The following TENM1 variants were observed in gnomAD, a reference collection of about 807,000 sequenced individuals.
TENM1 encodes teneurin-1.
A neutral mutation model predicts 174.8 loss-of-function variants in TENM1; 35 were observed. That is an observed-to-expected ratio of 0.20 (90% CI 0.15 to 0.27). The LOEUF (loss-of-function observed/expected upper bound fraction) is 0.27, where lower values mean the gene tolerates loss of function less well. Among genes scored for constraint, TENM1 ranks in the 10% least tolerant of loss-of-function variants. The probability of loss-of-function intolerance (pLI) is 1.00; values close to 1 mark genes in which losing one functional copy is unlikely to be tolerated. For synonymous variants in TENM1, 781 were observed against 798.7 expected (o/e 0.98, Z 0.37); for missense variants, 1,633 against 2,130.1 (o/e 0.77, Z 4.59).
intron 1 of TENM1, among the ~76,000 whole-genome samples, chrX:124,902,714 A>G (rs142480379): frequency 0.015 from 1,716 of 112,927 alleles, 18 homozygotes; most frequent in Middle Eastern, 0.032. Flanking sequence ...AAGTAAATTT[A>G]CTTAAACACA....
chrX:124,982,372 C>T, the TENM1 span, among the ~76,000 whole-genome samples: 2 of 109,874 alleles, frequency 1.8e-5, no homozygotes, highest in Admixed American at 9.8e-5. Flanking sequence ...AATATCTTTG[C>T]ACTTTTTACC....
intron 4 of TENM1, among the ~76,000 whole-genome samples, chrX:124,731,394 A>G (rs2053561900): frequency 8.9e-6 from 1 of 111,784 alleles, no homozygotes; most frequent in African/African-American, 3.3e-5. Context: ...GCAGTCATTA[A>G]AAGGCATTTG....
At chrX:124,792,191 A>AT (rs2055195682) in intron 3 of TENM1, among the ~76,000 whole-genome samples, 1 of 111,634 alleles carries the variant, frequency 9.0e-6, no homozygotes, top group African/African-American at 3.2e-5. Context: ...TCCTTGATAC[A>AT]TTTTTTATTT....
chrX:125,071,968 G>A, the TENM1 span, among the ~76,000 whole-genome samples: 5 of 110,927 alleles, frequency 4.5e-5, no homozygotes, highest in African/African-American at 9.8e-5. Context: ...AAGCAGTGTC[G>A]AAGGTCATCA....
chrX:125,067,459 C>T, the TENM1 span, among the ~76,000 whole-genome samples: 3 of 111,167 alleles, frequency 2.7e-5, no homozygotes, highest in African/African-American at 9.8e-5. Context: ...TTTGACAGAG[C>T]GAGGGAAATA....
chrX:124,551,190 T>C (rs1199557632), intron 14 of TENM1, among the ~76,000 whole-genome samples: 1 of 111,952 alleles, frequency 8.9e-6, no homozygotes, highest in East Asian at 2.8e-4. Flanking sequence ...CATGCTATAA[T>C]AAAGATGAGA....
At chrX:125,094,459 A>G in the TENM1 span, among the ~76,000 whole-genome samples, 1 of 112,381 alleles carries the variant, frequency 8.9e-6, no homozygotes, top group Non-Finnish European at 1.9e-5. Context: ...TGTCCTAAAC[A>G]TAAATTATCT....
At chrX:124,420,906 G>T (rs1255639320) in intron 24 of TENM1, 85 bp from the exon 28 acceptor site, 18 of 914,926 alleles carry the variant, frequency 2.0e-5, no homozygotes, top group South Asian at 7.4e-5. Context: ...TGTGCATCAA[G>T]AATCATTTTA....
the TENM1 span, among the ~76,000 whole-genome samples, chrX:125,118,202 G>C: frequency 1.8e-5 from 2 of 110,989 alleles, no homozygotes; most frequent in African/African-American, 6.5e-5. Context: ...AGCAGAATAA[G>C]ACATTGGAGA....
At chrX:125,198,718 T>G in the TENM1 span, among the ~76,000 whole-genome samples, 1 of 111,300 alleles carries the variant, frequency 9.0e-6, no homozygotes. Flanking sequence ...CAGATTCCCA[T>G]TCTGAATTAG....
chrX:124,593,937 A>T (rs1208090252), intron 11 of TENM1, among the ~76,000 whole-genome samples: 1 of 112,225 alleles, frequency 8.9e-6, no homozygotes, highest in Non-Finnish European at 1.9e-5. Flanking sequence ...CTCTGGCCTG[A>T]GGCTAAAATG....
At chrX:125,073,057 G>A in the TENM1 span, among the ~76,000 whole-genome samples, 1 of 111,122 alleles carries the variant, frequency 9.0e-6, no homozygotes, top group Non-Finnish European at 1.9e-5. Context: ...CAAACCTTTT[G>A]CATCACATTG....
rs189791528 is a variant in TENM1 at position 124,531,038 on chromosome X, C to T, written c.2652-1055G>A. 1.9e-4 allele frequency among the ~76,000 whole-genome samples: 21 copies of T among 109,358 alleles called. No homozygotes were observed. The East Asian group carries it at 2.0e-3, about 11-fold the overall frequency. The allele number at this position is 109,358 out of a possible 115,157, so 95.0% of individuals were successfully genotyped here. On this transcript the variant is annotated intron_variant, in intron 15 of 31. Transcript: ENST00000422452. ...TAATCCTAGTCTTGGCAGCCCTGAGCTCTTGGACATGAATTTTATAGCTGG... is the reference window on the plus strand; with the variant it reads ...TAATCCTAGTCTTGGCAGCCCTGAGTTCTTGGACATGAATTTTATAGCTGG...
intron 11 of TENM1, among the ~76,000 whole-genome samples, chrX:124,598,135 C>A (rs2049944948): frequency 1.8e-5 from 2 of 111,544 alleles, no homozygotes; most frequent in Admixed American, 9.5e-5. Flanking sequence ...AAAAGGTACT[C>A]AACATCACTT....
At position 124,860,668 on chromosome X, in the gene TENM1, G is replaced by A. The variant is rs548817927; in HGVS notation, c.535+33628C>T. Among the ~76,000 whole-genome samples, 104 of 111,561 alleles carry A rather than the reference G, an allele frequency of 9.3e-4. 2 individuals are homozygous for A. In the South Asian group the frequency reaches 0.038, roughly 41 times the overall value. On this transcript the variant is annotated intron_variant, in intron 3 of 31. Coordinates refer to ENST00000422452, the Ensembl canonical transcript of TENM1. ...TGGAACAACTGAAACCCAAGTTGTT[G>A]GAAAGCAAGATATTTCTTTAAATCT...
At chrX:124,923,810 G>A (rs1003779481) in intron 1 of TENM1, among the ~76,000 whole-genome samples, 1 of 111,756 alleles carries the variant, frequency 8.9e-6, no homozygotes, top group Admixed American at 9.5e-5. Flanking sequence ...CAAAGAATAT[G>A]AGCAGCCTCT....
chrX:124,960,891 G>T (rs910254998), intron 1 of TENM1, among the ~76,000 whole-genome samples: 2 of 111,420 alleles, frequency 1.8e-5, no homozygotes, highest in Non-Finnish European at 3.8e-5. Flanking sequence ...CAGAAGAAGA[G>T]AATTATTTTA....
chrX:124,565,646 T>C, intron 11 of TENM1, 86 bp from the exon 15 acceptor site: 1 of 578,685 alleles, frequency 1.7e-6, no homozygotes, highest in East Asian at 4.4e-5. Flanking sequence ...TTACCAAAAA[T>C]CCCTGTCTAT....
At chrX:125,061,591 T>A in the TENM1 span, among the ~76,000 whole-genome samples, 2 of 111,664 alleles carry the variant, frequency 1.8e-5, no homozygotes, top group Non-Finnish European at 3.8e-5. Flanking sequence ...TGAGGGTAGC[T>A]GTATGTGCAG....
Sources: gnomAD v4.1 joint callset for allele counts (sites outside exome capture counted in the v4.1 genomes callset) on GRCh38, gnomAD v4.1.1 for gene constraint, MANE v1.5 for transcripts, NCBI Gene and HGNC (gene_info 2026-07-23, HGNC 2026-07-21) for gene names.